HIRA: variants seen among roughly 807,000 people sequenced by gnomAD.
HIRA encodes histone cell cycle regulator.
HIRA carries 13 observed loss-of-function variants against 126.6 expected under a neutral mutation model. The observed-to-expected ratio is 0.10, with a 90% CI of 0.07 to 0.16. The LOEUF (loss-of-function observed/expected upper bound fraction) is 0.16. Among genes scored for constraint, HIRA ranks in the 10% least tolerant of loss-of-function variants. The pLI, the probability that HIRA is intolerant of heterozygous loss-of-function variation, is 1.00. For synonymous variants in HIRA, 511 were observed against 520.0 expected (o/e 0.98, Z 0.24); for missense variants, 834 against 1,314.4 (o/e 0.63, Z 5.65).
chr22:19,334,197 G>A (rs749296644), intron 24 of HIRA, among the ~76,000 whole-genome samples: 9 of 151,318 alleles, frequency 5.9e-5, no homozygotes, highest in Non-Finnish European at 7.4e-5. Flanking sequence ...GGATGGTCTC[G>A]ATCTCCTGAC....
At chr22:19,333,050 A>G (rs1052828464) in intron 24 of HIRA, among the ~76,000 whole-genome samples, 6 of 152,138 alleles carry the variant, frequency 3.9e-5, no homozygotes, top group Admixed American at 2.6e-4. Context: ...CTGGGACTAT[A>G]GGTGTGTGCC....
intron 9 of HIRA, among the ~76,000 whole-genome samples, chr22:19,391,475 TTC>T (rs1440593425): frequency 7.4e-5 from 11 of 148,848 alleles, no homozygotes; most frequent in South Asian, 4.2e-4. Flanking sequence ...ATAAAGATTT[TTC>T]TTTTTCTTTT....
intron 20 of HIRA, 75 bp downstream of exon 20, chr22:19,356,155 A>T: frequency 5.8e-6 from 8 of 1,379,574 alleles, no homozygotes; most frequent in Non-Finnish European, 8.3e-6. Context: ...TGGCTCTCTG[A>T]GCGGGGCCCT....
At chr22:19,360,507 C>T (rs2088853387) in intron 17 of HIRA, among the ~76,000 whole-genome samples, 1 of 152,180 alleles carries the variant, frequency 6.6e-6, no homozygotes, top group Non-Finnish European at 1.5e-5. Context: ...AGGGCTGACG[C>T]CTGCTCTCTG....
chr22:19,396,368 T>C (rs976567412), intron 7 of HIRA, among the ~76,000 whole-genome samples: 1 of 152,024 alleles, frequency 6.6e-6, no homozygotes, highest in Non-Finnish European at 1.5e-5. Flanking sequence ...ATACAAAAAT[T>C]AGCTAGGTGT....
chr22:19,365,939 GT>G (rs1352873494), intron 15 of HIRA: 1 of 152,260 alleles, frequency 6.6e-6, no homozygotes, highest in Non-Finnish European at 1.5e-5. Flanking sequence ...GAACTGCCCA[GT>G]TTGGAAACAG....
At chr22:19,360,584 G>A (rs1018546513) in intron 17 of HIRA, among the ~76,000 whole-genome samples, 4 of 152,134 alleles carry the variant, frequency 2.6e-5, no homozygotes, top group Admixed American at 2.0e-4. Flanking sequence ...CCGCAAGCAG[G>A]GTCCAAGAAG....
chr22:19,371,388 T>C (rs2088963194), intron 15 of HIRA, among the ~76,000 whole-genome samples: 1 of 152,210 alleles, frequency 6.6e-6, no homozygotes, highest in African/African-American at 2.4e-5. Context: ...CTGCAATGAT[T>C]ATTATTTTTC....
At chr22:19,366,826 T>C (rs1221102293) in intron 15 of HIRA, among the ~76,000 whole-genome samples, 1 of 152,194 alleles carries the variant, frequency 6.6e-6, no homozygotes, top group Non-Finnish European at 1.5e-5. Context: ...AGTGGCACAA[T>C]CTCAGCTCGC....
In HIRA at chr22:19,377,946, G is replaced by A. The variant is rs759228734; in HGVS notation, c.1536C>T (p.Phe512=). The stretch of plus-strand genomic sequence containing the variant: ...GCTCTGTGCAAGGCTTCGAGGCGCC[G>A]AAGGAGTTAGGGGTACTGGAGTCCA... The part of the protein sequence containing the change: ...LPLDSSTPNS[F]GASKPCTEPV... The change falls in exon 14 of 25, where the codon TTC becomes TTT. Residue 512 remains phenylalanine (F), a synonymous_variant. Transcript: ENST00000263208. 6.8e-6 allele frequency: 11 copies of A among 1,613,842 alleles called. No homozygotes were observed. Among genetic ancestry groups the A allele is most frequent in the South Asian group, 2.2e-5 (2 of 91,054 alleles).
chr22:19,416,124 A>C (rs1159834273), intron 1 of HIRA, among the ~76,000 whole-genome samples: 1 of 152,200 alleles, frequency 6.6e-6, no homozygotes, highest in Non-Finnish European at 1.5e-5. Context: ...AAGACCATTC[A>C]ATGGGGAAAG....
chr22:19,374,574 G>A (rs115267149), intron 15 of HIRA, among the ~76,000 whole-genome samples: 355 of 152,298 alleles, frequency 2.3e-3, no homozygotes, highest in African/African-American at 8.1e-3. Flanking sequence ...CTAGCTTCCA[G>A]GAACTGTTTT....
At chr22:19,397,632 C>T (rs928188808) in intron 6 of HIRA, among the ~76,000 whole-genome samples, 3 of 152,108 alleles carry the variant, frequency 2.0e-5, no homozygotes, top group Non-Finnish European at 2.9e-5. Flanking sequence ...TTTGTGTTAG[C>T]CCGTATCTGC....
Position 19,378,635 on chromosome 22 carries a change from C to T in HIRA, c.1416-569G>A, listed in dbSNP as rs538088467. Among the ~76,000 whole-genome samples, 4 of 152,364 alleles carry T rather than the reference C, an allele frequency of 2.6e-5. No homozygotes were observed. The South Asian group carries it at 6.2e-4, about 24-fold the overall frequency. On this transcript the variant is annotated intron_variant, in intron 13 of 24. Coordinates refer to ENST00000263208, the MANE Select transcript of HIRA (RefSeq NM_003325.4). ...CTTGCTCTAACTACTCTTGTGCCTC[C>T]AGTCATGTCTGCAAAATACAAAGTG...
intron 1 of HIRA, among the ~76,000 whole-genome samples, chr22:19,426,383 T>C (rs933277132): frequency 6.6e-6 from 1 of 152,220 alleles, no homozygotes; most frequent in African/African-American, 2.4e-5. Context: ...ACATGTTCTA[T>C]GTCTTTCCCT....
chr22:19,338,968 C>T (rs2088596891), intron 24 of HIRA, among the ~76,000 whole-genome samples: 2 of 152,018 alleles, frequency 1.3e-5, no homozygotes, highest in Non-Finnish European at 2.9e-5. Context: ...CACATATTTA[C>T]AGAACATTCT....
chr22:19,382,944 C>G (rs1409228100), intron 13 of HIRA, among the ~76,000 whole-genome samples: 3 of 152,124 alleles, frequency 2.0e-5, no homozygotes, highest in African/African-American at 4.8e-5. Context: ...CCCAGTAATT[C>G]CACTTCTAGA....
rs919680409 is a variant in HIRA at position 19,388,590 on chromosome 22, A to C, written c.937-36T>G. ...AGACACAGTCAAGGTTAATGAAATT[A>C]CTGAAATCCCCTTCTGTATTCAGCT... On this transcript the variant is annotated intron_variant, in intron 9 of 24. Transcript: ENST00000263208. 13 of 1,539,936 alleles carry C rather than the reference A, an allele frequency of 8.4e-6. 1 individual carries two copies. The Admixed American group carries it at 2.0e-4, about 24-fold the overall frequency.
intron 5 of HIRA, chr22:19,405,552 T>C: frequency 1.0e-6 from 1 of 977,986 alleles, no homozygotes; most frequent in Non-Finnish European, 1.2e-6. Context: ...GATATAAACA[T>C]ATACCCCATG....
Sources: gnomAD v4.1 joint callset for allele counts (sites outside exome capture counted in the v4.1 genomes callset) on GRCh38, gnomAD v4.1.1 for gene constraint, MANE v1.5 for transcripts, NCBI Gene and HGNC (gene_info 2026-07-23, HGNC 2026-07-21) for gene names.